The following SLC19A1 variants were observed in gnomAD, a reference collection of about 807,000 sequenced individuals.
SLC19A1 encodes the protein solute carrier family 19 member 1.
A neutral mutation model predicts 35.3 loss-of-function variants in SLC19A1; 37 were observed. The observed-to-expected ratio is 1.05, with a 90% CI of 0.81 to 1.38. The LOEUF (loss-of-function observed/expected upper bound fraction) is 1.38, where lower values mean the gene tolerates loss of function less well. Among genes scored for constraint, SLC19A1 ranks in the 40% most tolerant of loss-of-function variants. The pLI is 0.00. For synonymous variants in SLC19A1, 460 were observed against 398.5 expected (o/e 1.15, Z -1.84); for missense variants, 831 against 826.9 (o/e 1.00, Z -0.06).
At chr21:45,509,660 A>C (rs1433962735), downstream of SLC19A1, 1 of 926,424 alleles carries the variant, frequency 1.1e-6, no homozygotes, top group African/African-American at 1.6e-5. Context: ...TCGGCAGCAG[A>C]AGAGGGCCCA....
At chr21:45,551,608 T>C (rs1055792449) in intron 1 of SLC19A1, among the ~76,000 whole-genome samples, 1 of 152,190 alleles carries the variant, frequency 6.6e-6, no homozygotes, top group Non-Finnish European at 1.5e-5. Flanking sequence ...TGGTTTAATA[T>C]GTCGTTTTAT....
At chr21:45,504,643 C>A in intron 3 of SLC19A1, 1 of 1,203,328 alleles carries the variant, frequency 8.3e-7, no homozygotes, top group Non-Finnish European at 1.2e-6. Context: ...CCTTCGACAC[C>A]CGCGAAGGCC....
At chr21:45,503,652 G>A (rs1043602997) in intron 3 of SLC19A1, among the ~76,000 whole-genome samples, 4 of 111,460 alleles carry the variant, frequency 3.6e-5, no homozygotes, top group African/African-American at 1.4e-4. Context: ...GGGGGGAGGG[G>A]GGAGGGATAG....
chr21:45,511,305 T>TC (rs376168075), downstream of SLC19A1: 311 of 755,832 alleles, frequency 4.1e-4, 3 homozygotes, highest in African/African-American at 3.1e-3. Flanking sequence ...ATCTGCAGTT[T>TC]CCCCCCGAGT....
At chr21:45,509,242 C>T (rs2146118292), downstream of SLC19A1, 1 of 1,423,174 alleles carries the variant, frequency 7.0e-7, no homozygotes, top group Non-Finnish European at 9.4e-7. Flanking sequence ...GCGCAGCTCC[C>T]TGCTTGCCAG....
In SLC19A1 at chr21:45,515,781, G is replaced by C; in HGVS notation, c.1653C>G (p.Ala551=). ...CTGCAGCCTCAGGGCCTGAGGCTTG[G>C]GCGGAGCACAGAGTGCAGGGGGAAG... The part of the protein sequence containing the change: ...TTPSPCTLCS[A]QASGPEAADE... The change falls in exon 6 of 6, where the codon GCC becomes GCG. Residue 551 remains alanine, a synonymous_variant. Coordinates refer to ENST00000311124, the MANE Select transcript of SLC19A1 (RefSeq NM_194255.4). 7 of 1,613,654 alleles carry C rather than the reference G, an allele frequency of 4.3e-6. No individual in the cohort carries two copies. The highest frequency in any genetic ancestry group is 5.9e-6 in the Non-Finnish European group (7 of 1,179,916).
At chr21:45,503,962 C>A (rs376333351) in intron 3 of SLC19A1, 1 of 1,609,496 alleles carries the variant, frequency 6.2e-7, no homozygotes, top group Non-Finnish European at 8.5e-7. Context: ...GGGAACCCGG[C>A]GCTGTCAGAC....
At chr21:45,522,240 G>A (rs2077458721) in intron 5 of SLC19A1, among the ~76,000 whole-genome samples, 1 of 152,034 alleles carries the variant, frequency 6.6e-6, no homozygotes, top group Non-Finnish European at 1.5e-5. Context: ...CCAGGGAAAT[G>A]CAAATTAAAA....
chr21:45,521,433 C>G (rs1036558544), intron 5 of SLC19A1, among the ~76,000 whole-genome samples: 6 of 152,186 alleles, frequency 3.9e-5, no homozygotes, highest in African/African-American at 7.2e-5. Context: ...GTAAACACGT[C>G]AATTCTCCCA....
chr21:45,544,411 T>G (rs551027692), upstream of SLC19A1: 1 of 154,294 alleles, frequency 6.5e-6, no homozygotes, highest in South Asian at 2.1e-4. Context: ...CTGCGAGGAG[T>G]GGCCACAGAC....
In SLC19A1 at chr21:45,532,165, G is replaced by C; in HGVS notation, c.190-17C>G. 6.4e-7 allele frequency: 1 copy of C among 1,570,106 alleles called. No homozygotes were observed. The highest frequency in any genetic ancestry group is 8.7e-7 in the Non-Finnish European group (1 of 1,153,408). ...GTTCGTGACCTGCGGACAGGCGGGCGTGCGCCCCACCAGGTGTTAGCAATG... is the reference window on the plus strand; with the variant it reads ...GTTCGTGACCTGCGGACAGGCGGGCCTGCGCCCCACCAGGTGTTAGCAATG... On this transcript the variant is annotated splice_polypyrimidine_tract_variant and intron_variant, in intron 2 of 5. Coordinates refer to ENST00000311124, the MANE Select transcript of SLC19A1 (RefSeq NM_194255.4).
downstream of SLC19A1, among the ~76,000 whole-genome samples, chr21:45,510,941 A>ACC (rs2037543627): frequency 3.6e-5 from 1 of 27,630 alleles, no homozygotes; most frequent in Non-Finnish European, 5.8e-5. Flanking sequence ...CCAAAAAAAC[A>ACC]CACACCCACA....
In SLC19A1 at chr21:45,516,107, A is replaced by T. The variant is rs1280466084; in HGVS notation, c.1327T>A (p.Ser443Thr). ...ATGGCCCCCAAGAAGTAGATGATGG[A>T]CAGGATCAGGAAGTACACGGAGTAT... ...QLYSVYFLIL[S>T]IIYFLGAMLD... is the part of the protein sequence containing the mutation. Residue 443 changes from serine (S) to threonine (T), a missense_variant, in exon 6 of 6, where the codon TCC (serine) becomes ACC (threonine). Physicochemically the swap from Ser to Thr is moderately conservative, Grantham distance 58 (BLOSUM62 1). Coordinates refer to ENST00000311124, the MANE Select transcript of SLC19A1 (RefSeq NM_194255.4). 1 of 1,607,812 alleles carries T rather than the reference A, an allele frequency of 6.2e-7. No homozygotes were observed. The highest frequency in any genetic ancestry group is 8.5e-7 in the Non-Finnish European group (1 of 1,178,322).
At chr21:45,553,807 G>A (rs1373566802) in intron 1 of SLC19A1, among the ~76,000 whole-genome samples, 5 of 340 alleles carry the variant, frequency 0.015, 1 homozygote, top group South Asian at 0.17. Flanking sequence ...CCCCCTCCCA[G>A]TCCCCCACGC....
Position 45,525,870 on chromosome 21 carries a change from T to C in SLC19A1, c.1240A>G (p.Ile414Val). Reference protein sequence around the residue: ...TFFATIVKTIITFIVSDVRGL... With the variant: ...TFFATIVKTIVTFIVSDVRGL... ...CGCACGTCCGAGACAATGAAAGTGA[T>C]GATGGTCTTGACGATGGTGGCAAAG... The change falls in exon 5 of 6, where the codon ATC (isoleucine) becomes GTC (valine). Residue 414 changes from isoleucine (I) to valine (V), a missense_variant. Transcript: ENST00000311124. The C allele has an allele frequency of 6.2e-7, 1 of 1,613,584 alleles. No individual in the cohort carries two copies. Among genetic ancestry groups the C allele is most frequent in the South Asian group, 1.1e-5 (1 of 91,084 alleles).
chr21:45,531,502 G>A lies in SLC19A1; in HGVS notation c.836C>T (p.Ala279Val), dbSNP rs1317198351. 3 of 1,612,774 alleles carry A rather than the reference G, an allele frequency of 1.9e-6. No individual in the cohort carries two copies. The highest frequency in any genetic ancestry group is 2.2e-5 in the East Asian group (1 of 44,878). The part of the protein sequence containing the change: ...LWSLWWVFNS[A>V]GYYLVVYYVH... The stretch of plus-strand genomic sequence containing the variant: ...GTAGTAGACCACCAGGTAGTAGCCG[G>A]CCGAGTTGAAGACCCACCAGAGGGA... Residue 279 changes from alanine (A) to valine (V), a missense_variant, in exon 3 of 6, where the codon GCC (alanine) becomes GTC (valine). By Grantham distance (64) the Ala-to-Val change is moderately conservative (BLOSUM62 0). Coordinates refer to ENST00000311124, the MANE Select transcript of SLC19A1 (RefSeq NM_194255.4).
downstream of SLC19A1, chr21:45,509,430 CCCCCA>C: frequency 6.5e-7 from 1 of 1,533,904 alleles, no homozygotes; most frequent in Non-Finnish European, 8.8e-7. Context: ...GGCGGGAGCA[CCCCCA>C]CCCCACCGCG....
In SLC19A1 at chr21:45,534,432, G is replaced by A. The variant is rs1208795787; in HGVS notation, c.190-2284C>T. The stretch of plus-strand genomic sequence containing the variant: ...AGCCCCTGGCCGGGGCACAGGTTCT[G>A]CCCACAGCCCAGAGTCAAAATGGTA... On this transcript the variant is annotated intron_variant, in intron 2 of 5. Transcript: ENST00000311124. The surrounding 1 kb of genome is among the most constrained non-coding windows in gnomAD (Gnocchi z 4.2). 4.3e-6 allele frequency: 4 copies of A among 928,980 alleles called. No homozygotes were observed. Among genetic ancestry groups the A allele is most frequent in the East Asian group, 5.3e-5 (2 of 37,818 alleles). 57.5% of individuals were successfully genotyped at this position (928,980 alleles called of 1,614,324 possible). A position where few individuals can be genotyped will look rare whatever the true frequency, so the allele number is the denominator to read the frequency against.
intron 3 of SLC19A1, chr21:45,504,340 G>A: frequency 6.7e-7 from 1 of 1,486,544 alleles, no homozygotes; most frequent in Non-Finnish European, 9.2e-7. Flanking sequence ...GCCCAGCCCT[G>A]GCTCGGGGGG....
Sources: gnomAD v4.1 joint callset for allele counts (sites outside exome capture counted in the v4.1 genomes callset) on GRCh38, gnomAD v4.1.1 for gene constraint, Gnocchi (gnomAD v3.1) non-coding constraint, MANE v1.5 for transcripts, NCBI Gene and HGNC (gene_info 2026-07-23, HGNC 2026-07-21) for gene names.